Variants in CCDC18 observed in about 807,000 individuals in gnomAD.
The protein encoded by CCDC18 is coiled-coil domain-containing protein 18.
In CCDC18, 157 loss-of-function variants were observed where a neutral mutation model predicts 196.0. The ratio of observed to expected loss-of-function variants is 0.80; its 90% CI spans 0.70 to 0.91. The LOEUF (loss-of-function observed/expected upper bound fraction) is 0.91. CCDC18 is among the 40% of genes least tolerant of loss of function. The pLI is 0.00. For synonymous variants in CCDC18, 482 were observed against 529.2 expected (o/e 0.91, Z 1.22); for missense variants, 1,465 against 1,611.6 (o/e 0.91, Z 1.56).
At position 93,216,671 on chromosome 1, in the gene CCDC18, G is replaced by C. The variant is rs1163095474; in HGVS notation, c.1755G>C (p.Glu585Asp). 1 of 1,580,304 alleles carries C rather than the reference G, an allele frequency of 6.3e-7. No individual in the cohort carries two copies. The highest frequency in any genetic ancestry group is 8.6e-7 in the Non-Finnish European group (1 of 1,165,148). ...TKKCSQLLTL[E>D]KQLEEKIVAY... ...AATGTTCTCAACTTTTAACTCTTGA[G>C]AAACAGCTGGAAGAAAAGATAGTTG... The change falls in exon 13 of 29, where the codon GAG becomes GAC. Residue 585 changes from glutamate (E) to aspartate (D), a missense_variant. Coordinates refer to ENST00000690025, the MANE Select transcript of CCDC18 (RefSeq NM_001378204.1).
At chr1:93,217,393 A>G (rs551923589) in intron 13 of CCDC18, among the ~76,000 whole-genome samples, 1 of 152,306 alleles carries the variant, frequency 6.6e-6, no homozygotes, top group Admixed American at 6.5e-5. Context: ...TAAAGAATGG[A>G]GTATGACATA....
intron 6 of CCDC18, among the ~76,000 whole-genome samples, chr1:93,198,139 C>A (rs1045444348): frequency 6.6e-6 from 1 of 152,142 alleles, no homozygotes; most frequent in Non-Finnish European, 1.5e-5. Context: ...AAACATAAGC[C>A]TGCCTTATGA....
chr1:93,250,692 G>A (rs551974414), intron 23 of CCDC18, among the ~76,000 whole-genome samples: 3 of 152,196 alleles, frequency 2.0e-5, no homozygotes, highest in Non-Finnish European at 2.9e-5. Flanking sequence ...TCTTGCTAGC[G>A]TGACACATTT....
At chr1:93,233,614 T>C (rs1659570389) in intron 18 of CCDC18, among the ~76,000 whole-genome samples, 1 of 139,294 alleles carries the variant, frequency 7.2e-6, no homozygotes, top group Non-Finnish European at 1.5e-5. Flanking sequence ...TATTTTTTTT[T>C]TGAGACGGAG....
chr1:93,215,738 G>C (rs1359424935), intron 12 of CCDC18, among the ~76,000 whole-genome samples: 2 of 152,138 alleles, frequency 1.3e-5, no homozygotes, highest in Admixed American at 6.5e-5. Flanking sequence ...TTACTGGTGT[G>C]AGCCACCACA....
chr1:93,257,869 T>C (rs1241562138), intron 25 of CCDC18, among the ~76,000 whole-genome samples: 1 of 151,924 alleles, frequency 6.6e-6, no homozygotes, highest in African/African-American at 2.4e-5. Context: ...TAAATATATA[T>C]TGATATGTTT....
chr1:93,242,722 A>G (rs555768541), intron 21 of CCDC18, among the ~76,000 whole-genome samples: 14 of 152,354 alleles, frequency 9.2e-5, no homozygotes, highest in African/African-American at 3.4e-4. Flanking sequence ...CAGTGGGGGT[A>G]CAGACATTGG....
At chr1:93,208,456 C>G (rs539899854) in intron 9 of CCDC18, among the ~76,000 whole-genome samples, 3 of 151,962 alleles carry the variant, frequency 2.0e-5, no homozygotes, top group Admixed American at 1.3e-4. Flanking sequence ...CTCAGCCTCC[C>G]TAGTAGCTGG....
chr1:93,222,192 A>G (rs1482301842), intron 16 of CCDC18, among the ~76,000 whole-genome samples: 1 of 152,106 alleles, frequency 6.6e-6, no homozygotes, highest in African/African-American at 2.4e-5. Context: ...TGTAAATTGT[A>G]AACATTGTAC....
At chr1:93,203,841 G>GA (rs896374386) in intron 7 of CCDC18, among the ~76,000 whole-genome samples, 11 of 149,100 alleles carry the variant, frequency 7.4e-5, no homozygotes, top group East Asian at 2.0e-4. Flanking sequence ...TAAAAAATCA[G>GA]AAAAAAAAAA....
chr1:93,215,629 T>C (rs1357497380), intron 12 of CCDC18, among the ~76,000 whole-genome samples: 2 of 152,082 alleles, frequency 1.3e-5, no homozygotes, highest in Non-Finnish European at 2.9e-5. Flanking sequence ...GCTAAGTTTT[T>C]TTATTTTTTA....
intron 24 of CCDC18, among the ~76,000 whole-genome samples, chr1:93,255,675 G>A (rs2101079184): frequency 6.6e-6 from 1 of 152,156 alleles, no homozygotes; most frequent in East Asian, 1.9e-4. Context: ...GGTCAAGGCT[G>A]CAGTGATTTG....
intron 27 of CCDC18, among the ~76,000 whole-genome samples, chr1:93,267,644 A>G (rs1250560800): frequency 1.3e-5 from 2 of 152,184 alleles, no homozygotes; most frequent in Non-Finnish European, 2.9e-5. Flanking sequence ...TACACCAATA[A>G]CCGACCAACA....
At chr1:93,240,611 A>G (rs1382446616) in intron 21 of CCDC18, among the ~76,000 whole-genome samples, 1 of 152,230 alleles carries the variant, frequency 6.6e-6, no homozygotes, top group Middle Eastern at 3.2e-3. Context: ...GTACCACAGA[A>G]TTCAGTGTAG....
At chr1:93,209,773 T>C (rs1655302832) in intron 9 of CCDC18, among the ~76,000 whole-genome samples, 1 of 152,182 alleles carries the variant, frequency 6.6e-6, no homozygotes, top group South Asian at 2.1e-4. Flanking sequence ...AAGAATTATT[T>C]CATATATGGT....
At chr1:93,254,424 T>TA in intron 23 of CCDC18, 47 bp from the exon 24 acceptor site, 7 of 1,387,430 alleles carry the variant, frequency 5.0e-6, no homozygotes, top group Non-Finnish European at 5.9e-6. Context: ...TTGATTAAAT[T>TA]ACATTTCATT....
chr1:93,205,650 G>T lies in CCDC18; in HGVS notation c.917+19G>T. Reference sequence around the variant, plus strand: ...AATTAAGGTACAGTATTCTGTTGTAGAAAAAGGATTTTTGTGTGGACATGG... The same window carrying T: ...AATTAAGGTACAGTATTCTGTTGTATAAAAAGGATTTTTGTGTGGACATGG... On this transcript the variant is annotated intron_variant, in intron 8 of 28. Transcript: ENST00000690025. 1 of 1,568,320 alleles carries T rather than the reference G, an allele frequency of 6.4e-7. No homozygotes were observed. The highest frequency in any genetic ancestry group is 1.2e-5 in the South Asian group (1 of 83,712).
In CCDC18 at chr1:93,232,408, T is replaced by C. The variant is rs752691172; in HGVS notation, c.2293-18T>C. The C allele has an allele frequency of 4.9e-6, 7 of 1,414,372 alleles. No homozygotes were observed. The highest frequency in any genetic ancestry group is 2.5e-5 in the South Asian group (2 of 80,666). The allele number at this position is 1,414,372 out of a possible 1,614,324, so 87.6% of individuals were successfully genotyped here. A position where few individuals can be genotyped will look rare whatever the true frequency, so the allele number is the denominator to read the frequency against. On this transcript the variant is annotated intron_variant, in intron 17 of 28. Coordinates refer to ENST00000690025, the MANE Select transcript of CCDC18 (RefSeq NM_001378204.1). Reference sequence around the variant, plus strand: ...AAACATTGCATTGTATTGAGAGATATATATATATATTTGCCAGGTATATTG... The same window carrying C: ...AAACATTGCATTGTATTGAGAGATACATATATATATTTGCCAGGTATATTG...
chr1:93,212,219 A>C lies in CCDC18; in HGVS notation c.1453A>C (p.Ser485Arg). The C allele has an allele frequency of 6.2e-7, 1 of 1,608,838 alleles. No individual in the cohort carries two copies. The highest frequency in any genetic ancestry group is 8.5e-7 in the Non-Finnish European group (1 of 1,178,160). ...NDSQESSKLS[S>R]LETEPVKLGG... ...CAGCCAAGAAAGTAGCAAATTAAGT[A>C]GTTTAGAAACAGAACCTGTAAAGCT... Residue 485 changes from serine (S) to arginine (R), a missense_variant, in exon 11 of 29, where the codon AGT becomes CGT. Transcript: ENST00000690025.
Sources: gnomAD v4.1 joint callset for allele counts (sites outside exome capture counted in the v4.1 genomes callset) on GRCh38, gnomAD v4.1.1 for gene constraint, MANE v1.5 for transcripts, NCBI Gene and HGNC (gene_info 2026-07-23, HGNC 2026-07-21) for gene names.